Variants in LRMDA observed in about 807,000 individuals in gnomAD.
The protein encoded by LRMDA is leucine rich melanocyte differentiation associated, also known as leucine-rich melanocyte differentiation-associated protein.
Under a neutral mutation model 29.8 loss-of-function variants are expected in LRMDA, and 18 were observed. The ratio of observed to expected loss-of-function variants is 0.60; its 90% CI spans 0.42 to 0.90. LRMDA has a LOEUF of 0.90. Among genes scored for constraint, LRMDA ranks in the 40% least tolerant of loss-of-function variants. The pLI is 0.00. For synonymous variants in LRMDA, 125 were observed against 109.4 expected (o/e 1.14, Z -0.89); for missense variants, 273 against 273.9 (o/e 1.00, Z 0.02).
chr10:75,749,469 C>G (rs1394610078), intron 2 of LRMDA, among the ~76,000 whole-genome samples: 1 of 151,900 alleles, frequency 6.6e-6, no homozygotes, highest in Non-Finnish European at 1.5e-5. Context: ...TATGTACATA[C>G]ACACACATAT....
rs540923250 is a variant in LRMDA, at chr10:75,756,064, T to C, written c.132-279944T>C. Among the ~76,000 whole-genome samples the C allele has an allele frequency of 5.6e-4, 85 of 152,316 alleles. No homozygotes were observed. In the South Asian group the frequency reaches 0.017, roughly 30 times the overall value. On this transcript the variant is annotated intron_variant, in intron 2 of 6. Coordinates refer to ENST00000611255, the MANE Select transcript of LRMDA (RefSeq NM_001305581.2). ...TTTTTCTTTAAAGTTTACCAGAACT[T>C]TTTGGTTAGGGAGAGTGTAGCTTGT...
chr10:75,977,886 C>T (rs188276620), intron 2 of LRMDA, among the ~76,000 whole-genome samples: 1 of 151,576 alleles, frequency 6.6e-6, no homozygotes, highest in African/African-American at 2.4e-5. Context: ...GGTACTTAAC[C>T]TCTCTGTGCC....
At chr10:75,673,811 C>G (rs1841929136) in intron 2 of LRMDA, among the ~76,000 whole-genome samples, 1 of 152,166 alleles carries the variant, frequency 6.6e-6, no homozygotes, top group Non-Finnish European at 1.5e-5. Flanking sequence ...CTTTATATAG[C>G]CCTTCTTTAT....
At chr10:75,966,481 T>G (rs1244480555) in intron 2 of LRMDA, among the ~76,000 whole-genome samples, 1 of 152,232 alleles carries the variant, frequency 6.6e-6, no homozygotes, top group Non-Finnish European at 1.5e-5. Context: ...TGCTCCTTGG[T>G]CCTCTATCTT....
At chr10:76,350,175 A>C (rs968959453) in intron 6 of LRMDA, among the ~76,000 whole-genome samples, 1 of 151,906 alleles carries the variant, frequency 6.6e-6, no homozygotes, top group African/African-American at 2.4e-5. Context: ...AAAACAAAAA[A>C]AAAAATAAAT....
chr10:76,200,787 G>A (rs188331555), intron 5 of LRMDA, among the ~76,000 whole-genome samples: 3 of 149,198 alleles, frequency 2.0e-5, no homozygotes, highest in African/African-American at 4.9e-5. Flanking sequence ...GCACAATCTC[G>A]GCTCACTGCA....
chr10:76,009,223 AG>A (rs1259927411), intron 2 of LRMDA, among the ~76,000 whole-genome samples: 1 of 152,136 alleles, frequency 6.6e-6, no homozygotes, highest in Non-Finnish European at 1.5e-5. Flanking sequence ...TGCTCCCACT[AG>A]CCCCCTCCCC....
At chr10:76,550,794 G>A (rs921727242) in intron 6 of LRMDA, among the ~76,000 whole-genome samples, 2 of 152,094 alleles carry the variant, frequency 1.3e-5, no homozygotes, top group Non-Finnish European at 2.9e-5. Context: ...CTCAAAAACT[G>A]CTTCCACACA....
chr10:75,743,238 C>T (rs1302210992), intron 2 of LRMDA, among the ~76,000 whole-genome samples: 3 of 152,166 alleles, frequency 2.0e-5, no homozygotes, highest in Non-Finnish European at 4.4e-5. Context: ...TTGTCCTGAT[C>T]CAACCTGACC....
chr10:76,225,282 G>A (rs914779923), intron 5 of LRMDA, among the ~76,000 whole-genome samples: 4 of 151,794 alleles, frequency 2.6e-5, no homozygotes, highest in Non-Finnish European at 5.9e-5. Flanking sequence ...GTGGTGGTGG[G>A]CGCCTGTAAT....
chr10:75,435,685 C>T (rs1844255839), intron 1 of LRMDA, among the ~76,000 whole-genome samples: 1 of 152,166 alleles, frequency 6.6e-6, no homozygotes, highest in Admixed American at 6.5e-5. Flanking sequence ...ACAGTCTCAT[C>T]AGATGTTGTG....
At chr10:75,446,835 T>C (rs553876289) in intron 2 of LRMDA, among the ~76,000 whole-genome samples, 7 of 152,356 alleles carry the variant, frequency 4.6e-5, no homozygotes, top group South Asian at 2.1e-4. Context: ...TCCAGTGGGA[T>C]TGGGGAGAGA....
Position 76,497,072 on chromosome 10 carries a change from C to T in LRMDA, c.602-60137C>T, listed in dbSNP as rs1346310976. The stretch of plus-strand genomic sequence containing the variant: ...GATTATAATAGGGAAAATGATGATT[C>T]GAAGGAAAGTTAAAAGGTATTTAAT... On this transcript the variant is annotated intron_variant, in intron 6 of 6. Transcript: ENST00000611255. Among the ~76,000 whole-genome samples, 13 of 75,144 alleles carry T rather than the reference C, an allele frequency of 1.7e-4. 6 individuals are homozygous for T. The highest frequency in any genetic ancestry group is 4.9e-4 in the Admixed American group (4 of 8,108). 49.3% of individuals were successfully genotyped at this position (75,144 alleles called of 152,430 possible). A position where few individuals can be genotyped will look rare whatever the true frequency, so the allele number is the denominator to read the frequency against.
chr10:76,222,307 G>C (rs572748024), intron 5 of LRMDA, among the ~76,000 whole-genome samples: 2 of 152,242 alleles, frequency 1.3e-5, no homozygotes, highest in African/African-American at 4.8e-5. Flanking sequence ...CACAGCAAAA[G>C]AAACTACCAT....
chr10:75,688,023 T>C (rs1187293649), intron 2 of LRMDA, among the ~76,000 whole-genome samples: 1 of 152,216 alleles, frequency 6.6e-6, no homozygotes, highest in Admixed American at 6.5e-5. Flanking sequence ...TTACTGCTTA[T>C]TGACAATGCA....
At chr10:75,442,634 G>A (rs1844342172) in intron 2 of LRMDA, among the ~76,000 whole-genome samples, 1 of 152,054 alleles carries the variant, frequency 6.6e-6, no homozygotes, top group African/African-American at 2.4e-5. Context: ...ATGTCGGTAT[G>A]TATTGTTTTG....
At chr10:75,899,456 A>G (rs953617323) in intron 2 of LRMDA, among the ~76,000 whole-genome samples, 2 of 152,224 alleles carry the variant, frequency 1.3e-5, no homozygotes, top group African/African-American at 4.8e-5. Context: ...AGCATAGGAA[A>G]GTTTTCCTGT....
intron 5 of LRMDA, among the ~76,000 whole-genome samples, chr10:76,125,349 A>G (rs1014953278): frequency 1.3e-5 from 2 of 152,214 alleles, no homozygotes; most frequent in Admixed American, 1.3e-4. Context: ...TTCCAAAATT[A>G]TCCACAACAC....
At chr10:75,911,500 C>T (rs904315627) in intron 2 of LRMDA, among the ~76,000 whole-genome samples, 8 of 152,202 alleles carry the variant, frequency 5.3e-5, no homozygotes, top group Non-Finnish European at 8.8e-5. Flanking sequence ...GATGTAGGTA[C>T]ATTTTCTCAA....
Sources: allele counts gnomAD v4.1 joint callset (sites outside exome capture counted in the v4.1 genomes callset), GRCh38; gene constraint gnomAD v4.1.1; transcripts MANE v1.5; gene names NCBI Gene and HGNC (gene_info 2026-07-23, HGNC 2026-07-21).